SYNJ1: variants seen among roughly 807,000 people sequenced by gnomAD.
SYNJ1 encodes the protein polyphosphatidylinositol phosphatase SYNJ1.
A neutral mutation model predicts 168.2 loss-of-function variants in SYNJ1; 78 were observed. That is an observed-to-expected ratio of 0.46 (90% CI 0.39 to 0.56). The LOEUF (loss-of-function observed/expected upper bound fraction) is 0.56, where lower values mean the gene tolerates loss of function less well. Among genes scored for constraint, SYNJ1 ranks in the 20% least tolerant of loss-of-function variants. SYNJ1 has a pLI of 0.00. For missense variants in SYNJ1, 1,303 were observed against 1,597.6 expected, an observed-to-expected ratio of 0.82 and a Z score of 3.14; for synonymous variants, 539 against 548.6, an observed-to-expected ratio of 0.98 and a Z score of 0.24.
chr21:32,712,491 A>G (rs1371711992), intron 2 of SYNJ1, among the ~76,000 whole-genome samples: 2 of 152,198 alleles, frequency 1.3e-5, no homozygotes, highest in Non-Finnish European at 2.9e-5. Context: ...AAAGATATTA[A>G]ACTATCTAAA....
chr21:32,653,494 C>T (rs1212781005), intron 21 of SYNJ1, 128 bp from the exon 22 acceptor site: 18 of 703,118 alleles, frequency 2.6e-5, no homozygotes, highest in Non-Finnish European at 4.1e-5. Context: ...AAGGAGGGAG[C>T]GCAGGTAGGG....
intron 3 of SYNJ1, among the ~76,000 whole-genome samples, 196 bp from the exon 4 acceptor site, chr21:32,700,301 A>G (rs1427013416): frequency 2.6e-5 from 4 of 152,370 alleles, no homozygotes; most frequent in African/African-American, 9.6e-5. Flanking sequence ...GCATTTAAAC[A>G]TTAACAGGAT....
chr21:32,633,922 C>T (rs1286082934), intron 32 of SYNJ1, among the ~76,000 whole-genome samples: 1 of 152,010 alleles, frequency 6.6e-6, no homozygotes, highest in East Asian at 1.9e-4. Context: ...GGTAAGTAGA[C>T]CTATATGTGG....
Position 32,645,709 on chromosome 21 carries a change from G to C in SYNJ1, c.3328C>G (p.Pro1110Ala). 6.8e-7 allele frequency: 1 copy of C among 1,476,894 alleles called. No individual in the cohort carries two copies. The allele number at this position is 1,476,894 out of a possible 1,614,324, so 91.5% of individuals were successfully genotyped here. Residue 1110 changes from proline (P) to alanine (A), a missense_variant, in exon 25 of 33, where the codon CCG becomes GCG. Coordinates refer to ENST00000674351, the MANE Select transcript of SYNJ1 (RefSeq NM_203446.3). ...GTGGGAGGGGCGACCGGGCGGGGCG[G>C]CGGCGGCCGCTTGGGCTCCAAGGGC... ...AQPLEPKRPP[P>A]PRPVAPPTRP...
At chr21:32,712,792 G>T (rs1420136210) in intron 2 of SYNJ1, among the ~76,000 whole-genome samples, 2 of 152,130 alleles carry the variant, frequency 1.3e-5, no homozygotes, top group Non-Finnish European at 2.9e-5. Context: ...GTTGGAGGAG[G>T]ACAATGATTA....
At position 32,684,111 on chromosome 21, in the gene SYNJ1, C is replaced by T; in HGVS notation, c.1127G>A (p.Ser376Asn). Residue 376 changes from serine (S) to asparagine (N), a missense_variant, in exon 10 of 33, where the codon AGT becomes AAT. By Grantham distance (46) the Ser-to-Asn change is conservative. Coordinates refer to ENST00000674351, the MANE Select transcript of SYNJ1 (RefSeq NM_203446.3). ...CAAGCAGTTTGTTCGAACTGTACCA[C>T]TCTGGCATCTGTAACCAATAAAGTT... ...FNGSEVQRCQ[S>N]GTVRTNCLDC... 2 of 1,613,360 alleles carry T rather than the reference C, an allele frequency of 1.2e-6. No individual in the cohort carries two copies. Among genetic ancestry groups the T allele is most frequent in the Non-Finnish European group, 1.7e-6 (2 of 1,179,506 alleles).
intron 23 of SYNJ1, among the ~76,000 whole-genome samples, chr21:32,646,877 C>T (rs920527216): frequency 2.0e-5 from 3 of 152,062 alleles, no homozygotes; most frequent in African/African-American, 7.2e-5. Context: ...TTCAATATGC[C>T]CCAGAGCAGC....
Position 32,695,137 on chromosome 21 carries a change from A to G in SYNJ1, c.625T>C (p.Cys209Arg). ...AKACLISRLS[C>R]ERAGTRFNVR... is the part of the protein sequence containing the mutation. ...TTAAACCTGGTCCCAGCTCGTTCAC[A>G]GCTTAATCTTGAAATGAGGCAAGCC... The change falls in exon 5 of 33, where the codon TGT becomes CGT. Residue 209 changes from cysteine (C) to arginine (R), a missense_variant. Around this residue, in one of 2 missense-constraint regions of SYNJ1, gnomAD observed 920 missense variants for 1,208.8 expected, o/e 0.76. Transcript: ENST00000674351. 1 of 1,614,140 alleles carries G rather than the reference A, an allele frequency of 6.2e-7. No homozygotes were observed.
intron 10 of SYNJ1, among the ~76,000 whole-genome samples, chr21:32,682,059 A>C (rs2041646138): frequency 6.6e-6 from 1 of 152,184 alleles, no homozygotes; most frequent in South Asian, 2.1e-4. Context: ...TAAGTAATTA[A>C]GGTAAAAAAA....
chr21:32,639,807 A>C (rs1244059501), intron 29 of SYNJ1, 28 bp from the exon 30 acceptor site: 1 of 1,567,700 alleles, frequency 6.4e-7, no homozygotes, highest in South Asian at 1.1e-5. Context: ...AACACTTGAG[A>C]CATTTACTTA....
intron 2 of SYNJ1, 122 bp downstream of exon 2, chr21:32,726,650 T>A: frequency 1.6e-6 from 2 of 1,278,544 alleles, no homozygotes; most frequent in Non-Finnish European, 2.1e-6. Flanking sequence ...AATACAAGCA[T>A]AATCTGCTAG....
intron 15 of SYNJ1, among the ~76,000 whole-genome samples, chr21:32,669,404 C>A (rs2041090624): frequency 6.6e-6 from 1 of 152,032 alleles, no homozygotes; most frequent in South Asian, 2.1e-4. Flanking sequence ...TACAGCTTCC[C>A]AACAATTATT....
intron 6 of SYNJ1, among the ~76,000 whole-genome samples, chr21:32,690,699 G>A (rs1240147610): frequency 6.6e-6 from 1 of 151,652 alleles, no homozygotes; most frequent in Admixed American, 6.5e-5. Flanking sequence ...GAGACCAGCG[G>A]ATCACCTGAG....
At chr21:32,685,114 G>A (rs1167810369) in intron 9 of SYNJ1, among the ~76,000 whole-genome samples, 3 of 149,194 alleles carry the variant, frequency 2.0e-5, no homozygotes, top group African/African-American at 7.4e-5. Context: ...CCCGGGAGGC[G>A]GAGCTTGCAG....
At chr21:32,651,486 T>C (rs540502645) in intron 22 of SYNJ1, among the ~76,000 whole-genome samples, 18 of 152,352 alleles carry the variant, frequency 1.2e-4, no homozygotes, top group East Asian at 3.9e-4. Flanking sequence ...TCATAATCCT[T>C]TACTTGCCAA....
chr21:32,690,633 G>A (rs2041988194), intron 6 of SYNJ1, among the ~76,000 whole-genome samples: 3 of 152,236 alleles, frequency 2.0e-5, no homozygotes. Flanking sequence ...GCTCATGCCT[G>A]TAATCCCAGT....
chr21:32,687,627 A>G (rs760475651), intron 7 of SYNJ1, among the ~76,000 whole-genome samples: 1 of 152,256 alleles, frequency 6.6e-6, no homozygotes, highest in Non-Finnish European at 1.5e-5. Context: ...TATAAACATG[A>G]AATTAATTAT....
At chr21:32,663,661 CCT>C (rs1384342662) in intron 18 of SYNJ1, among the ~76,000 whole-genome samples, 6 of 152,126 alleles carry the variant, frequency 3.9e-5, no homozygotes, top group Non-Finnish European at 5.9e-5. Context: ...TGAATGGCCC[CCT>C]GAGAGAATCA....
chr21:32,690,530 C>T (rs2146127254), intron 6 of SYNJ1, among the ~76,000 whole-genome samples: 1 of 152,252 alleles, frequency 6.6e-6, no homozygotes, highest in East Asian at 1.9e-4. Context: ...GAGCTATTGC[C>T]AATCGTGATA....
Sources: gnomAD v4.1 joint callset for allele counts (sites outside exome capture counted in the v4.1 genomes callset) on GRCh38, gnomAD v4.1.1 for gene constraint, gnomAD v4.1.1 regional missense constraint, MANE v1.5 for transcripts, NCBI Gene and HGNC (gene_info 2026-07-23, HGNC 2026-07-21) for gene names.